The following SHISA9 variants were observed in gnomAD, a reference collection of about 807,000 sequenced individuals.
The protein encoded by SHISA9 is shisa family member 9.
In SHISA9, 13 loss-of-function variants were observed where a neutral mutation model predicts 38.0. The ratio of observed to expected loss-of-function variants is 0.34; its 90% CI spans 0.22 to 0.54. The LOEUF is 0.54. Ranked by LOEUF, SHISA9 falls within the 20% of genes least tolerant of loss-of-function variation. The probability of loss-of-function intolerance (pLI) is 0.91; values close to 1 mark genes in which losing one functional copy is unlikely to be tolerated. For missense variants in SHISA9, 538 were observed against 575.8 expected (o/e 0.93, Z 0.67); for synonymous variants, 275 against 242.0 (o/e 1.14, Z -1.27).
chr16:12,938,738 G>C (rs1461883648), intron 2 of SHISA9, among the ~76,000 whole-genome samples: 1 of 151,914 alleles, frequency 6.6e-6, no homozygotes, highest in Admixed American at 6.6e-5. Flanking sequence ...CCTGACCTCA[G>C]GTGATCTACC....
chr16:13,329,466 G>A, the SHISA9 span, among the ~76,000 whole-genome samples: 1 of 152,090 alleles, frequency 6.6e-6, no homozygotes, highest in East Asian at 1.9e-4. Context: ...TTGCATTGTT[G>A]ATCCTAATTC....
intron 2 of SHISA9, among the ~76,000 whole-genome samples, chr16:13,127,480 A>G (rs1301513827): frequency 6.6e-6 from 1 of 151,918 alleles, no homozygotes; most frequent in East Asian, 1.9e-4. Flanking sequence ...CAAGTAAAAG[A>G]GGAAAGAAAA....
the SHISA9 span, among the ~76,000 whole-genome samples, chr16:13,361,431 A>T: frequency 1.3e-5 from 2 of 152,168 alleles, no homozygotes; most frequent in African/African-American, 4.8e-5. Context: ...TTCTTTCTCT[A>T]TTAACCTTCA....
At chr16:13,423,879 C>A in the SHISA9 span, among the ~76,000 whole-genome samples, 1 of 152,184 alleles carries the variant, frequency 6.6e-6, no homozygotes, top group Non-Finnish European at 1.5e-5. Flanking sequence ...GCATCCTTGC[C>A]ACATTTTGCC....
chr16:13,138,232 C>G lies in SHISA9; in HGVS notation c.692-65162C>G, dbSNP rs369844731. On this transcript the variant is annotated intron_variant, in intron 2 of 4. Coordinates refer to ENST00000558583, the MANE Select transcript of SHISA9 (RefSeq NM_001145204.3). ...GATGGAAATGCAAAATCTGAGGCCT[C>G]ATCCCAGAGCAACTGAATCAGAAGC... is the stretch of plus-strand genomic sequence containing the variant. Among the ~76,000 whole-genome samples the G allele has an allele frequency of 3.9e-5, 6 of 152,264 alleles. No homozygotes were observed. In the East Asian group the frequency reaches 5.8e-4, roughly 15 times the overall value.
At chr16:12,937,442 A>G (rs1413078400) in intron 2 of SHISA9, among the ~76,000 whole-genome samples, 2 of 152,206 alleles carry the variant, frequency 1.3e-5, no homozygotes, top group East Asian at 3.9e-4. Flanking sequence ...ACACTTCTGC[A>G]CCTTGCTGAT....
chr16:13,021,949 A>C (rs2072860710), intron 2 of SHISA9, among the ~76,000 whole-genome samples: 1 of 152,104 alleles, frequency 6.6e-6, no homozygotes, highest in African/African-American at 2.4e-5. Context: ...TTTCTTACCA[A>C]TTTGGAGGCA....
chr16:12,986,702 T>C (rs140413436), intron 2 of SHISA9, among the ~76,000 whole-genome samples: 1 of 152,322 alleles, frequency 6.6e-6, no homozygotes, highest in East Asian at 1.9e-4. Flanking sequence ...ACAGCTAACA[T>C]TTAGGAAACA....
the SHISA9 span, among the ~76,000 whole-genome samples, chr16:13,313,142 C>G: frequency 6.7e-6 from 1 of 148,684 alleles, no homozygotes; most frequent in Non-Finnish European, 1.5e-5. Context: ...GTAGTCCCAG[C>G]TACTTGGGAG....
At chr16:12,909,608 G>A (rs896416817) in intron 1 of SHISA9, 20 of 985,202 alleles carry the variant, frequency 2.0e-5, no homozygotes, top group Non-Finnish European at 2.3e-5. Flanking sequence ...TGGCCCTTGT[G>A]TGGCTGGTCC....
chr16:13,229,096 G>A (rs956739120), intron 4 of SHISA9, among the ~76,000 whole-genome samples: 7 of 152,222 alleles, frequency 4.6e-5, no homozygotes, highest in Admixed American at 1.3e-4. Context: ...GGAGGCAAAG[G>A]CTGTAGTGAG....
chr16:13,544,429 G>GGT, the SHISA9 span, among the ~76,000 whole-genome samples: 1 of 102,116 alleles, frequency 9.8e-6, no homozygotes, highest in East Asian at 2.8e-4. Context: ...TTTTTTTCTT[G>GGT]TTTTTTTTTT....
At chr16:13,375,542 G>T in the SHISA9 span, among the ~76,000 whole-genome samples, 1 of 151,936 alleles carries the variant, frequency 6.6e-6, no homozygotes, top group African/African-American at 2.4e-5. Flanking sequence ...TCTCTGTTTT[G>T]GTACCAGTAC....
At chr16:13,168,180 C>T (rs180816084) in intron 2 of SHISA9, among the ~76,000 whole-genome samples, 148 of 152,298 alleles carry the variant, frequency 9.7e-4, no homozygotes, top group Non-Finnish European at 1.6e-3. Context: ...CCAACCACCT[C>T]CGTTATGGGC....
the SHISA9 span, among the ~76,000 whole-genome samples, chr16:13,555,485 G>A: frequency 1.0e-3 from 155 of 152,234 alleles, no homozygotes; most frequent in African/African-American, 3.4e-3. Context: ...GATACGTGGG[G>A]GTTACATGAG....
intron 2 of SHISA9, among the ~76,000 whole-genome samples, chr16:12,946,713 A>C (rs1433247330): frequency 6.6e-6 from 1 of 152,194 alleles, no homozygotes; most frequent in African/African-American, 2.4e-5. Flanking sequence ...CCTAGAAGAG[A>C]CATTCTCAAT....
chr16:12,928,865 G>A (rs1419573857), intron 2 of SHISA9, among the ~76,000 whole-genome samples: 1 of 152,184 alleles, frequency 6.6e-6, no homozygotes, highest in Non-Finnish European at 1.5e-5. Flanking sequence ...GATAATAACT[G>A]ACAAAGACGT....
the SHISA9 span, among the ~76,000 whole-genome samples, chr16:13,427,581 A>G: frequency 1.3e-5 from 2 of 152,208 alleles, no homozygotes; most frequent in African/African-American, 4.8e-5. Context: ...AAAGACAGGA[A>G]GGACATTCCA....
chr16:13,363,133 G>C, the SHISA9 span, among the ~76,000 whole-genome samples: 1 of 152,078 alleles, frequency 6.6e-6, no homozygotes, highest in Non-Finnish European at 1.5e-5. Context: ...GCCCTTCAAG[G>C]GACCAGAGTC....
Sources: gnomAD v4.1 joint callset for allele counts (sites outside exome capture counted in the v4.1 genomes callset) on GRCh38, gnomAD v4.1.1 for gene constraint, MANE v1.5 for transcripts, NCBI Gene and HGNC (gene_info 2026-07-23, HGNC 2026-07-21) for gene names.